Variants in ASCC1 observed in about 807,000 individuals in gnomAD.
ASCC1 encodes activating signal cointegrator 1 complex subunit 1.
Under a neutral mutation model 46.6 loss-of-function variants are expected in ASCC1, and 35 were observed. That is an observed-to-expected ratio of 0.75 (90% confidence interval 0.57 to 0.99). The LOEUF (loss-of-function observed/expected upper bound fraction) is 0.99, where lower values mean the gene tolerates loss of function less well. Ranked by LOEUF, ASCC1 falls within the 50% of genes least tolerant of loss-of-function variation. ASCC1 has a pLI of 0.00. For synonymous variants in ASCC1, 143 were observed against 146.6 expected (o/e 0.98, Z 0.18); for missense variants, 376 against 428.7 (o/e 0.88, Z 1.09).
rs565867899 is a variant in ASCC1, at chr10:72,214,522, C to T, written c.-33-1191G>A. ...TTCCCAGTTGCTGGAATTACAGGCC[C>T]CTGCCACCACCCCCGGCTAATTTTT... is the stretch of plus-strand genomic sequence containing the variant. On this transcript the variant is annotated intron_variant, in intron 1 of 9. Coordinates refer to ENST00000672957, the MANE Select transcript of ASCC1 (RefSeq NM_001198800.3). Among the ~76,000 whole-genome samples, 4 of 151,728 alleles carry T rather than the reference C, an allele frequency of 2.6e-5. No homozygotes were observed. In the East Asian group the frequency reaches 7.7e-4, roughly 29 times the overall value.
At chr10:72,172,186 C>T (rs1028252869) in intron 5 of ASCC1, among the ~76,000 whole-genome samples, 3 of 151,762 alleles carry the variant, frequency 2.0e-5, no homozygotes, top group Non-Finnish European at 4.4e-5. Context: ...GAGGCCGAGG[C>T]GGGCGGATCA....
In ASCC1 at chr10:72,115,999, G is replaced by C. The variant is rs563763148; in HGVS notation, c.957+12083C>G. On this transcript the variant is annotated intron_variant, in intron 9 of 9. Coordinates refer to ENST00000672957, the MANE Select transcript of ASCC1 (RefSeq NM_001198800.3). ...GTGGTAAGATCAACAGTTAATAAAA[G>C]GTGCATCTATCGTAAACATTGCAAA... Among the ~76,000 whole-genome samples, 17 of 152,196 alleles carry C rather than the reference G, an allele frequency of 1.1e-4. No individual in the cohort carries two copies. In the South Asian group the frequency reaches 3.5e-3, roughly 32 times the overall value.
chr10:72,196,999 A>C lies in ASCC1; in HGVS notation c.311-10T>G. ...TGCTGGCCAGTGATTACTGTAAACA[A>C]AGAAGAAAGGGTAAACTGCTCAAGG... On this transcript the variant is annotated splice_polypyrimidine_tract_variant and intron_variant, in intron 4 of 9. Coordinates refer to ENST00000672957, the MANE Select transcript of ASCC1 (RefSeq NM_001198800.3). 1 of 1,613,528 alleles carries C rather than the reference A, an allele frequency of 6.2e-7. No homozygotes were observed. Among genetic ancestry groups the C allele is most frequent in the Non-Finnish European group, 8.5e-7 (1 of 1,179,980 alleles).
Position 72,196,824 on chromosome 10 carries a change from G to C in ASCC1, c.476C>G (p.Ala159Gly). ...GTTTGCACTTACCATGGAGCACTTCGCCAGTACTTCCTCCTGGAATCTCAG... is the reference window on the plus strand; with the variant it reads ...GTTTGCACTTACCATGGAGCACTTCCCCAGTACTTCCTCCTGGAATCTCAG... ...GFLRFQEEVLAKCSMDHGVDS... is the reference protein window; with the variant it reads ...GFLRFQEEVLGKCSMDHGVDS... The change falls in exon 5 of 10, where the codon GCG (alanine) becomes GGG (glycine). Residue 159 changes from alanine (A) to glycine (G), a missense_variant. Coordinates refer to ENST00000672957, the MANE Select transcript of ASCC1 (RefSeq NM_001198800.3). 2 of 1,612,348 alleles carry C rather than the reference G, an allele frequency of 1.2e-6. No individual in the cohort carries two copies. The highest frequency in any genetic ancestry group is 1.7e-6 in the Non-Finnish European group (2 of 1,179,788).
At chr10:72,122,244 C>T (rs1169829300) in intron 9 of ASCC1, among the ~76,000 whole-genome samples, 2 of 152,080 alleles carry the variant, frequency 1.3e-5, no homozygotes, top group East Asian at 1.9e-4. Flanking sequence ...CATGGTGAAA[C>T]CCCATCTCTA....
intron 5 of ASCC1, among the ~76,000 whole-genome samples, chr10:72,192,724 C>A (rs1406000213): frequency 2.6e-5 from 4 of 152,152 alleles, no homozygotes; most frequent in African/African-American, 9.7e-5. Flanking sequence ...AAACTCCTGG[C>A]CTCAAGTGAT....
intron 5 of ASCC1, among the ~76,000 whole-genome samples, chr10:72,188,401 G>A (rs991199544): frequency 3.3e-5 from 5 of 151,750 alleles, no homozygotes; most frequent in African/African-American, 9.7e-5. Flanking sequence ...TTACAGGCAT[G>A]AGCCACCACG....
intron 5 of ASCC1, among the ~76,000 whole-genome samples, chr10:72,171,686 G>C (rs1851104318): frequency 6.6e-6 from 1 of 152,060 alleles, no homozygotes; most frequent in Admixed American, 6.6e-5. Context: ...CAAAGTGCTG[G>C]GATTACATGC....
At chr10:72,211,991 C>G (rs527367318) in intron 2 of ASCC1, among the ~76,000 whole-genome samples, 37 of 152,192 alleles carry the variant, frequency 2.4e-4, no homozygotes, top group African/African-American at 8.4e-4. Flanking sequence ...TGAGGCCACC[C>G]TGGCCAACAT....
At chr10:72,184,735 C>T (rs1258893909) in intron 5 of ASCC1, among the ~76,000 whole-genome samples, 1 of 149,382 alleles carries the variant, frequency 6.7e-6, no homozygotes, top group East Asian at 2.0e-4. Flanking sequence ...ACAGAGGTTG[C>T]AGTGAGCCAA....
chr10:72,164,918 C>T (rs943947803), intron 5 of ASCC1, among the ~76,000 whole-genome samples: 4 of 152,130 alleles, frequency 2.6e-5, no homozygotes, highest in African/African-American at 9.7e-5. Context: ...GATATTTGTA[C>T]ATCTTCTCTG....
chr10:72,116,047 A>G (rs1286131887), intron 9 of ASCC1, among the ~76,000 whole-genome samples: 1 of 152,196 alleles, frequency 6.6e-6, no homozygotes, highest in Admixed American at 6.5e-5. Context: ...AGAATCAACA[A>G]ACTTTTCTGG....
chr10:72,176,373 C>T (rs1851857762), intron 5 of ASCC1, among the ~76,000 whole-genome samples: 1 of 152,064 alleles, frequency 6.6e-6, no homozygotes, highest in South Asian at 2.1e-4. Context: ...GACAGGGTCT[C>T]GCTCTGTCAC....
At chr10:72,132,313 C>CT (rs1427878101) in intron 8 of ASCC1, among the ~76,000 whole-genome samples, 1 of 152,052 alleles carries the variant, frequency 6.6e-6, no homozygotes, top group Non-Finnish European at 1.5e-5. Context: ...ACTCCTGATC[C>CT]GATGCTGAAG....
chr10:72,202,544 T>C (rs184407449), intron 4 of ASCC1, among the ~76,000 whole-genome samples: 48 of 152,286 alleles, frequency 3.2e-4, no homozygotes, highest in Admixed American at 2.4e-3. Flanking sequence ...CTCAAAGCCA[T>C]TGTACATACA....
At chr10:72,192,466 A>AAAG (rs1554839178) in intron 5 of ASCC1, among the ~76,000 whole-genome samples, 7 of 152,076 alleles carry the variant, frequency 4.6e-5, no homozygotes, top group South Asian at 2.1e-4. Flanking sequence ...AAAAAAAAAA[A>AAAG]AAAGAAAGAA....
chr10:72,208,994 T>C (rs994023565), intron 3 of ASCC1, among the ~76,000 whole-genome samples: 6 of 151,840 alleles, frequency 4.0e-5, no homozygotes, highest in African/African-American at 1.5e-4. Flanking sequence ...AGAAACCCTG[T>C]CTCTACCAAA....
chr10:72,196,177 C>T (rs1855391022), intron 5 of ASCC1, among the ~76,000 whole-genome samples: 2 of 151,978 alleles, frequency 1.3e-5, no homozygotes, highest in South Asian at 2.1e-4. Context: ...GCCATGACCG[C>T]CCAAAGTCAG....
chr10:72,116,337 A>G (rs778536717), intron 9 of ASCC1, among the ~76,000 whole-genome samples: 8 of 152,212 alleles, frequency 5.3e-5, no homozygotes, highest in Non-Finnish European at 1.5e-5. Flanking sequence ...ATCAGTTTAA[A>G]AACTGTTAGG....
Sources: allele counts gnomAD v4.1 joint callset (sites outside exome capture counted in the v4.1 genomes callset), GRCh38; gene constraint gnomAD v4.1.1; transcripts MANE v1.5; gene names NCBI Gene and HGNC (gene_info 2026-07-23, HGNC 2026-07-21).